The following DCP2 variants were observed in gnomAD, a reference collection of about 807,000 sequenced individuals.
DCP2 encodes the protein decapping mRNA 2, also known as m7GpppN-mRNA hydrolase.
DCP2 carries 30 observed loss-of-function variants against 56.1 expected under a neutral mutation model. That is an observed-to-expected ratio of 0.53 (90% CI 0.40 to 0.73). The LOEUF is 0.73. Ranked by LOEUF, DCP2 falls within the 30% of genes least tolerant of loss-of-function variation. The probability of loss-of-function intolerance (pLI) is 0.00; values close to 1 mark genes in which losing one functional copy is unlikely to be tolerated. For synonymous variants in DCP2, 197 were observed against 163.3 expected, an observed-to-expected ratio of 1.21 and a Z score of -1.57; for missense variants, 533 against 502.7, an observed-to-expected ratio of 1.06 and a Z score of -0.58.
At chr5:112,999,553 C>G (rs1051837658) in intron 4 of DCP2, among the ~76,000 whole-genome samples, 2 of 151,664 alleles carry the variant, frequency 1.3e-5, no homozygotes, top group Non-Finnish European at 2.9e-5. Flanking sequence ...GTCTCTAACT[C>G]CTGACCTGGT....
chr5:112,980,317 C>G (rs73229005), intron 1 of DCP2, among the ~76,000 whole-genome samples: 34 of 152,312 alleles, frequency 2.2e-4, no homozygotes, highest in African/African-American at 6.5e-4. Flanking sequence ...AAGGTATTTT[C>G]TGGCAACTAG....
intron 1 of DCP2, chr5:112,984,703 A>AAAAATATATATATATAT: frequency 3.5e-4 from 23 of 64,848 alleles, no homozygotes; most frequent in African/African-American, 1.1e-3. Flanking sequence ...AAAAAAAAAA[A>AAAAATATATATATATAT]ATATATATAT....
rs1477515716 is a variant in DCP2, at chr5:113,015,301, CT to C, written c.*1818del. On this transcript the variant is annotated 3_prime_UTR_variant, in exon 11 of 11. Transcript: ENST00000389063. ...TTGCCTGGCAGATGAATAATTTTCA[CT>C]CATTTATTGTCTTCTGGAAACCATT... 6 of 151,268 alleles carry C rather than the reference CT, an allele frequency of 4.0e-5. 1 individual carries two copies. Among genetic ancestry groups the C allele is most frequent in the Admixed American group, 4.0e-4 (6 of 15,158 alleles). 9.4% of individuals were successfully genotyped at this position (151,268 alleles called of 1,614,324 possible). A position where few individuals can be genotyped will look rare whatever the true frequency, so the allele number is the denominator to read the frequency against.
intron 1 of DCP2, chr5:112,984,695 A>ATATATATATATATATATAT (rs1332407058): frequency 1.1e-4 from 8 of 75,742 alleles, no homozygotes; most frequent in African/African-American, 4.0e-4. Context: ...TTAAAAAAAA[A>ATATATATATATATATATAT]AAAAAAAAAT....
At chr5:113,007,850 CAA>C in intron 8 of DCP2, 86 bp from the exon 9 acceptor site, 1 of 1,173,054 alleles carries the variant, frequency 8.5e-7, no homozygotes, top group Non-Finnish European at 1.2e-6. Flanking sequence ...AAACTTGGTT[CAA>C]CCAGCTAAAC....
intron 1 of DCP2, among the ~76,000 whole-genome samples, chr5:112,980,191 G>C (rs1450168226): frequency 2.0e-5 from 3 of 152,172 alleles, no homozygotes; most frequent in Non-Finnish European, 4.4e-5. Flanking sequence ...GAATTGAAAA[G>C]CAAGTTTTTA....
chr5:113,020,850 C>G lies in DCP2; in HGVS notation c.*7366C>G, dbSNP rs1042897778. The G allele has an allele frequency of 1.3e-5, 2 of 152,140 alleles. No homozygotes were observed. The highest frequency in any genetic ancestry group is 2.9e-5 in the Non-Finnish European group (2 of 68,010). The allele number at this position is 152,140 out of a possible 1,614,324, so 9.4% of individuals were successfully genotyped here. The stretch of plus-strand genomic sequence containing the variant: ...AAAAGCCTTTTAATCTTACAAAATA[C>G]AATTTGAACGATGGAAGGTTGTTCA... On this transcript the variant is annotated 3_prime_UTR_variant, in exon 11 of 11. Coordinates refer to ENST00000389063, the MANE Select transcript of DCP2 (RefSeq NM_152624.6).
rs1430914903 is a variant in DCP2 at position 113,015,294 on chromosome 5, ATTTTCAC to A, written c.*1812_*1818del. The A allele has an allele frequency of 1.3e-5, 2 of 151,726 alleles. No individual in the cohort carries two copies. Among genetic ancestry groups the A allele is most frequent in the East Asian group, 3.9e-4 (2 of 5,164 alleles). 9.4% of individuals were successfully genotyped at this position (151,726 alleles called of 1,614,324 possible). On this transcript the variant is annotated 3_prime_UTR_variant, in exon 11 of 11. Transcript: ENST00000389063. ...ATGTAGTTTGCCTGGCAGATGAATAATTTTCACTCATTTATTGTCTTCTGGAAACCAT... is the reference window on the plus strand; with the variant it reads ...ATGTAGTTTGCCTGGCAGATGAATAATCATTTATTGTCTTCTGGAAACCAT...
Position 113,019,094 on chromosome 5 carries a change from A to G in DCP2, c.*5610A>G, listed in dbSNP as rs144776010. ...TGGAATTTCTGAGGTCAAATTTAAC[A>G]TTTAATATATTCTCCTTTTAGTTCA... On this transcript the variant is annotated 3_prime_UTR_variant, in exon 11 of 11. Coordinates refer to ENST00000389063, the MANE Select transcript of DCP2 (RefSeq NM_152624.6). The G allele has an allele frequency of 2.6e-5, 4 of 152,314 alleles. No individual in the cohort carries two copies. Among genetic ancestry groups the G allele is most frequent in the Admixed American group, 2.0e-4 (3 of 15,282 alleles). 9.4% of individuals were successfully genotyped at this position (152,314 alleles called of 1,614,324 possible).
chr5:112,980,575 G>A (rs577442411), intron 1 of DCP2, among the ~76,000 whole-genome samples: 3 of 110,036 alleles, frequency 2.7e-5, no homozygotes, highest in South Asian at 5.1e-4. Context: ...ATATGTACAC[G>A]TACTTTTGAA....
chr5:112,980,194 A>C (rs1353923107), intron 1 of DCP2, among the ~76,000 whole-genome samples: 1 of 152,244 alleles, frequency 6.6e-6, no homozygotes, highest in Non-Finnish European at 1.5e-5. Context: ...TTGAAAAGCA[A>C]GTTTTTAAAG....
At chr5:113,009,096 C>G (rs1319177759) in intron 9 of DCP2, among the ~76,000 whole-genome samples, 1 of 152,344 alleles carries the variant, frequency 6.6e-6, no homozygotes, top group Admixed American at 6.5e-5. Context: ...CCACCTGCCT[C>G]TGCCTCCCAA....
intron 4 of DCP2, among the ~76,000 whole-genome samples, chr5:113,000,699 C>T (rs1749136816): frequency 6.6e-6 from 1 of 152,170 alleles, no homozygotes; most frequent in African/African-American, 2.4e-5. Flanking sequence ...GTCAGTTCCA[C>T]ATCATTGATG....
intron 4 of DCP2, among the ~76,000 whole-genome samples, chr5:112,995,590 C>T (rs760900772): frequency 3.9e-4 from 60 of 152,174 alleles, no homozygotes; most frequent in Non-Finnish European, 4.0e-4. Context: ...GAGCCGTAGT[C>T]TCTTAATTTC....
intron 7 of DCP2, among the ~76,000 whole-genome samples, chr5:113,003,185 G>A (rs1038619119): frequency 2.0e-5 from 3 of 151,948 alleles, no homozygotes; most frequent in Admixed American, 2.0e-4. Flanking sequence ...GACCTTGAGT[G>A]ATCTACCCTC....
At chr5:113,009,563 C>T (rs981437387) in intron 9 of DCP2, among the ~76,000 whole-genome samples, 1 of 152,078 alleles carries the variant, frequency 6.6e-6, no homozygotes, top group African/African-American at 2.4e-5. Context: ...ATATCAAAAC[C>T]CTACAAAAGT....
At chr5:112,996,387 T>G (rs187048311) in intron 4 of DCP2, among the ~76,000 whole-genome samples, 7 of 152,372 alleles carry the variant, frequency 4.6e-5, no homozygotes, top group Admixed American at 3.9e-4. Context: ...CTGATTAGAC[T>G]TAGGCTGATG....
intron 8 of DCP2, 97 bp from the exon 9 acceptor site, chr5:113,007,841 A>AT: frequency 9.3e-7 from 1 of 1,070,112 alleles, no homozygotes; most frequent in Non-Finnish European, 1.3e-6. Flanking sequence ...CTTTGCTAAA[A>AT]ACTTGGTTCA....
At chr5:112,986,489 C>T (rs1748294207) in intron 2 of DCP2, among the ~76,000 whole-genome samples, 1 of 151,980 alleles carries the variant, frequency 6.6e-6, no homozygotes, top group Non-Finnish European at 1.5e-5. Flanking sequence ...CATGCGCTAC[C>T]ATTCCTGCTA....
Sources: allele counts gnomAD v4.1 joint callset (sites outside exome capture counted in the v4.1 genomes callset), GRCh38; gene constraint gnomAD v4.1.1; transcripts MANE v1.5; gene names NCBI Gene and HGNC (gene_info 2026-07-23, HGNC 2026-07-21).